GMDS: variants seen among roughly 807,000 people sequenced by gnomAD.
GMDS encodes the protein GDP-mannose 4,6-dehydratase.
In GMDS, 20 loss-of-function variants were observed where a neutral mutation model predicts 49.9. The ratio of observed to expected loss-of-function variants is 0.40; its 90% CI spans 0.28 to 0.58. The LOEUF (loss-of-function observed/expected upper bound fraction) is 0.58. Ranked by LOEUF, GMDS falls within the 20% of genes least tolerant of loss-of-function variation. GMDS has a pLI of 0.42. For missense variants in GMDS, 362 were observed against 481.4 expected (o/e 0.75, Z 2.32); for synonymous variants, 177 against 178.6 (o/e 0.99, Z 0.07).
chr6:1,853,797 T>C (rs866000757), intron 7 of GMDS, among the ~76,000 whole-genome samples: 30 of 152,328 alleles, frequency 2.0e-4, no homozygotes, highest in Middle Eastern at 6.8e-3. Flanking sequence ...TGGAGAAATA[T>C]ATCAATTCTA....
intron 4 of GMDS, among the ~76,000 whole-genome samples, chr6:2,061,553 C>A (rs1375434031): frequency 6.6e-6 from 1 of 151,718 alleles, no homozygotes; most frequent in Non-Finnish European, 1.5e-5. Context: ...CCTATCTCTA[C>A]TAAAAATACA....
At chr6:2,063,942 C>T (rs1464391670) in intron 4 of GMDS, among the ~76,000 whole-genome samples, 1 of 152,168 alleles carries the variant, frequency 6.6e-6, no homozygotes, top group Non-Finnish European at 1.5e-5. Flanking sequence ...CACTGCTAGT[C>T]AAAAATAGTC....
chr6:2,163,423 G>GTA, intron 1 of GMDS, among the ~76,000 whole-genome samples: 1 of 145,482 alleles, frequency 6.9e-6, no homozygotes, highest in African/African-American at 2.9e-5. Flanking sequence ...GTGTCTATGT[G>GTA]TGTGTGTGTG....
chr6:1,996,958 A>C (rs1160412714), intron 4 of GMDS, among the ~76,000 whole-genome samples: 1 of 151,878 alleles, frequency 6.6e-6, no homozygotes, highest in Non-Finnish European at 1.5e-5. Context: ...TTTGTTTTTA[A>C]AGCACCATCG....
intron 6 of GMDS, among the ~76,000 whole-genome samples, chr6:1,937,126 T>C (rs1762591975): frequency 6.6e-6 from 1 of 152,230 alleles, no homozygotes; most frequent in East Asian, 1.9e-4. Context: ...TCCCAGTTTG[T>C]AGCCTAGCAG....
At chr6:1,752,878 G>C (rs1019352594) in intron 7 of GMDS, among the ~76,000 whole-genome samples, 1 of 152,130 alleles carries the variant, frequency 6.6e-6, no homozygotes, top group Non-Finnish European at 1.5e-5. Context: ...AAGAGCTCCT[G>C]AAAGAACACT....
chr6:2,149,269 G>A (rs1776728321), intron 1 of GMDS, among the ~76,000 whole-genome samples: 1 of 152,132 alleles, frequency 6.6e-6, no homozygotes, highest in South Asian at 2.1e-4. Flanking sequence ...TTTGAAGAGA[G>A]CATCAGTTTT....
At chr6:1,820,751 C>T (rs992514322) in intron 7 of GMDS, among the ~76,000 whole-genome samples, 3 of 152,284 alleles carry the variant, frequency 2.0e-5, no homozygotes, top group Non-Finnish European at 4.4e-5. Flanking sequence ...TTCTAATAAG[C>T]ACTATAGTTT....
intron 9 of GMDS, chr6:1,625,335 T>C (rs1762820265): frequency 6.6e-6 from 1 of 152,258 alleles, no homozygotes; most frequent in Admixed American, 6.5e-5. Context: ...ACCCCTATTC[T>C]ACTCGGTTCG....
At chr6:2,015,788 G>C (rs1767853426) in intron 4 of GMDS, among the ~76,000 whole-genome samples, 3 of 152,066 alleles carry the variant, frequency 2.0e-5, no homozygotes, top group Admixed American at 2.0e-4. Flanking sequence ...ATCTTAACTG[G>C]ACATTTATCA....
intron 4 of GMDS, among the ~76,000 whole-genome samples, chr6:2,059,465 T>G (rs537745683): frequency 6.6e-6 from 1 of 150,804 alleles, no homozygotes; most frequent in South Asian, 2.1e-4. Context: ...TCCCAGCACT[T>G]TGGGAGGCCG....
intron 4 of GMDS, among the ~76,000 whole-genome samples, chr6:2,055,932 T>C (rs796469588): frequency 4.6e-5 from 7 of 152,282 alleles, no homozygotes; most frequent in African/African-American, 1.4e-4. Flanking sequence ...TACTCATCAT[T>C]GTAATTTTTC....
chr6:2,095,079 A>C (rs1275169419), intron 4 of GMDS, among the ~76,000 whole-genome samples: 1 of 152,192 alleles, frequency 6.6e-6, no homozygotes, highest in Non-Finnish European at 1.5e-5. Flanking sequence ...CCAGGTTTAC[A>C]ATATAGCACA....
rs906465114 is a variant in GMDS, at chr6:1,623,966, G to C, written c.*203C>G. The C allele has an allele frequency of 3.8e-6, 2 of 530,908 alleles. No individual in the cohort carries two copies. Among genetic ancestry groups the C allele is most frequent in the South Asian group, 5.6e-5 (2 of 35,908 alleles). 32.9% of individuals were successfully genotyped at this position (530,908 alleles called of 1,614,324 possible). A position where few individuals can be genotyped will look rare whatever the true frequency, so the allele number is the denominator to read the frequency against. ...GAGGAGGCTTCGACAAACGCAAAGC[G>C]ACCCAAACCCTGGAGGGTCACATCC... is the stretch of plus-strand genomic sequence containing the variant. On this transcript the variant is annotated 3_prime_UTR_variant, in exon 11 of 11. Coordinates refer to ENST00000380815, the MANE Select transcript of GMDS (RefSeq NM_001500.4).
chr6:1,709,323 T>C (rs1765860724), intron 9 of GMDS, among the ~76,000 whole-genome samples: 1 of 152,190 alleles, frequency 6.6e-6, no homozygotes, highest in Non-Finnish European at 1.5e-5. Flanking sequence ...GTGCACGTGA[T>C]CTGGGAGGAA....
intron 6 of GMDS, among the ~76,000 whole-genome samples, chr6:1,957,745 T>C (rs1319369399): frequency 3.9e-5 from 6 of 152,246 alleles, no homozygotes; most frequent in Admixed American, 1.3e-4. Flanking sequence ...TGGGAACTTT[T>C]ACTTTAAAAT....
At chr6:1,733,454 A>G (rs1581522107) in intron 8 of GMDS, among the ~76,000 whole-genome samples, 2 of 152,250 alleles carry the variant, frequency 1.3e-5, no homozygotes, top group South Asian at 2.1e-4. Context: ...GGGGAGAGAG[A>G]GGCCAGGCAG....
At chr6:2,004,149 A>G (rs1344635392) in intron 4 of GMDS, among the ~76,000 whole-genome samples, 2 of 152,240 alleles carry the variant, frequency 1.3e-5, no homozygotes, top group Admixed American at 1.3e-4. Flanking sequence ...TCAAGCTTTT[A>G]GAGTATGTTC....
At chr6:1,674,556 CTCTCTTTTT>C (rs1216833800) in intron 9 of GMDS, among the ~76,000 whole-genome samples, 33 of 85,268 alleles carry the variant, frequency 3.9e-4, no homozygotes, top group Non-Finnish European at 6.0e-4. Context: ...CTCTCTCTCT[CTCTCTTTTT>C]TTTTTTTTTT....
Sources: allele counts gnomAD v4.1 joint callset (sites outside exome capture counted in the v4.1 genomes callset), GRCh38; gene constraint gnomAD v4.1.1; transcripts MANE v1.5; gene names NCBI Gene and HGNC (gene_info 2026-07-23, HGNC 2026-07-21).